FGD5: variants seen among roughly 807,000 people sequenced by gnomAD.
FGD5 encodes the protein FYVE, RhoGEF and PH domain containing 5, also known as FYVE, RhoGEF and PH domain-containing protein 5.
In FGD5, 28 loss-of-function variants were observed where a neutral mutation model predicts 133.4. That is an observed-to-expected ratio of 0.21 (90% CI 0.16 to 0.29). FGD5 has a LOEUF of 0.29. Ranked by LOEUF, FGD5 falls within the 10% of genes least tolerant of loss-of-function variation. The pLI is 1.00. For synonymous variants in FGD5, 810 were observed against 776.5 expected (o/e 1.04, Z -0.72); for missense variants, 1,858 against 1,895.2 (o/e 0.98, Z 0.36).
Position 14,820,904 on chromosome 3 carries a change from C to T in FGD5, c.1833C>T (p.Ser611=). Residue 611 remains serine (S), a synonymous_variant, in exon 1 of 20, where the codon TCC becomes TCT. Coordinates refer to ENST00000285046, the MANE Select transcript of FGD5 (RefSeq NM_152536.4). The part of the protein sequence containing the change: ...LPSSGTSTPS[S]MVDIPPPFDL... ...CCAGCGGCACCTCCACGCCTTCTTC[C>T]ATGGTCGACATCCCACCTCCTTTCG... is the stretch of plus-strand genomic sequence containing the variant. 2.5e-6 allele frequency: 4 copies of T among 1,613,848 alleles called. No homozygotes were observed. The highest frequency in any genetic ancestry group is 2.2e-5 in the East Asian group (1 of 44,856).
chr3:14,908,752 G>A (rs1270698519), intron 10 of FGD5, among the ~76,000 whole-genome samples: 1 of 150,908 alleles, frequency 6.6e-6, no homozygotes, highest in Non-Finnish European at 1.5e-5. Flanking sequence ...CAGATGTGGT[G>A]GCCTGTAGTC....
At chr3:14,902,974 C>T (rs1357353307) in intron 9 of FGD5, among the ~76,000 whole-genome samples, 3 of 152,206 alleles carry the variant, frequency 2.0e-5, no homozygotes, top group African/African-American at 7.2e-5. Context: ...GAAGCAGGGG[C>T]CAGCTGTGGA....
Position 14,819,437 on chromosome 3 carries a change from C to T in FGD5, c.366C>T (p.Ala122=). The T allele has an allele frequency of 6.5e-7, 1 of 1,549,904 alleles. No individual in the cohort carries two copies. Among genetic ancestry groups the T allele is most frequent in the Middle Eastern group, 1.7e-4 (1 of 5,986 alleles). The change falls in exon 1 of 20, where the codon GCC becomes GCT. Residue 122 remains alanine, a synonymous_variant. Transcript: ENST00000285046. This position sits in a 1 kb window ranked among gnomAD's most constrained non-coding sequence, Gnocchi z 4.1. ...EGTGAGEDSV[A]PAAPGAGALS... is the part of the protein sequence containing the mutation. ...CAGGAGCTGGTGAGGATTCAGTGGCCCCTGCTGCTCCGGGTGCAGGAGCGC... is the reference window on the plus strand; with the variant it reads ...CAGGAGCTGGTGAGGATTCAGTGGCTCCTGCTGCTCCGGGTGCAGGAGCGC...
At position 14,926,578 on chromosome 3, in the gene FGD5, A is replaced by G. The variant is rs371166044; in HGVS notation, c.4197+380A>G. Among the ~76,000 whole-genome samples, 27 of 152,356 alleles carry G rather than the reference A, an allele frequency of 1.8e-4. No homozygotes were observed. The East Asian group carries it at 4.8e-3, about 27-fold the overall frequency. ...CTTGGGGCAAAATTCAGCAGTGTGG[A>G]GGAAGCTACTCCCTTTTTGTCTGTC... On this transcript the variant is annotated intron_variant, in intron 18 of 19. Coordinates refer to ENST00000285046, the MANE Select transcript of FGD5 (RefSeq NM_152536.4).
At chr3:14,923,365 G>A (rs749948318) in intron 16 of FGD5, 190 bp downstream of exon 16, 12 of 764,326 alleles carry the variant, frequency 1.6e-5, no homozygotes, top group Non-Finnish European at 2.2e-5. Flanking sequence ...AAAATTGATC[G>A]GTGTCCCCAG....
At chr3:14,868,892 T>G (rs2037551911) in intron 2 of FGD5, among the ~76,000 whole-genome samples, 1 of 152,148 alleles carries the variant, frequency 6.6e-6, no homozygotes, top group Non-Finnish European at 1.5e-5. Context: ...CAATGACAAG[T>G]CAGACCAGTC....
intron 4 of FGD5, among the ~76,000 whole-genome samples, chr3:14,886,726 A>C (rs185038444): frequency 6.6e-6 from 1 of 152,298 alleles, no homozygotes; most frequent in East Asian, 1.9e-4. Context: ...TTTCATTTTC[A>C]TGCGGCTCAC....
Position 14,922,520 on chromosome 3 carries a change from G to A in FGD5, c.3779G>A (p.Arg1260Gln), listed in dbSNP as rs1399150810. The change falls in exon 15 of 20, where the codon CGG (arginine) becomes CAG (glutamine). Residue 1260 changes from arginine (R) to glutamine (Q), a missense_variant. Physicochemically the swap from Arg to Gln is conservative, Grantham distance 43. Around this residue, in one of 3 missense-constraint regions of FGD5, gnomAD observed 1,824 missense variants for 1,848.9 expected, o/e 0.99. Coordinates refer to ENST00000285046, the MANE Select transcript of FGD5 (RefSeq NM_152536.4). The surrounding 1 kb of genome is among the most constrained non-coding windows in gnomAD (Gnocchi z 4.1). ...GGCTGCGACTTCTCCCTCACCCTGC[G>A]GCGTCATCACTGTCACGCCTGTGGC... ...NCGCDFSLTLRRHHCHACGKI... is the reference protein window; with the variant it reads ...NCGCDFSLTLQRHHCHACGKI... 3.8e-6 allele frequency: 6 copies of A among 1,583,012 alleles called. No individual in the cohort carries two copies. Among genetic ancestry groups the A allele is most frequent in the Non-Finnish European group, 4.3e-6 (5 of 1,164,796 alleles).
intron 1 of FGD5, among the ~76,000 whole-genome samples, chr3:14,812,487 G>A (rs1036466523): frequency 1.3e-5 from 2 of 152,222 alleles, no homozygotes; most frequent in Non-Finnish European, 2.9e-5. Context: ...GATGGAGTGA[G>A]TCGGAATAAA....
At chr3:14,909,470 G>A (rs1208034195) in intron 10 of FGD5, among the ~76,000 whole-genome samples, 1 of 152,228 alleles carries the variant, frequency 6.6e-6, no homozygotes, top group Non-Finnish European at 1.5e-5. Flanking sequence ...ATCAGTGTAT[G>A]TCACTATGGT....
chr3:14,862,310 A>G (rs1441814078), intron 1 of FGD5, among the ~76,000 whole-genome samples: 1 of 152,164 alleles, frequency 6.6e-6, no homozygotes, highest in Admixed American at 6.5e-5. Context: ...AGTCTGCTGG[A>G]AAAAGGGTTG....
chr3:14,852,538 G>A (rs1039928217), intron 1 of FGD5, among the ~76,000 whole-genome samples: 1 of 152,070 alleles, frequency 6.6e-6, no homozygotes, highest in South Asian at 2.1e-4. Context: ...ATACTAAAAA[G>A]CACTGAATTG....
At chr3:14,903,986 C>T (rs1479361589) in intron 9 of FGD5, among the ~76,000 whole-genome samples, 1 of 152,182 alleles carries the variant, frequency 6.6e-6, no homozygotes, top group East Asian at 1.9e-4. Context: ...GTGGAAATGT[C>T]TGGTGTTTTT....
chr3:14,873,654 G>T (rs1182835548), intron 2 of FGD5, among the ~76,000 whole-genome samples: 1 of 152,088 alleles, frequency 6.6e-6, no homozygotes, highest in Non-Finnish European at 1.5e-5. Flanking sequence ...AGGTGAGAGA[G>T]CTGAAAGGAG....
upstream of FGD5, among the ~76,000 whole-genome samples, chr3:14,817,360 T>C (rs2036386240): frequency 6.6e-6 from 1 of 152,216 alleles, no homozygotes; most frequent in Middle Eastern, 3.4e-3. Flanking sequence ...CACACCCGGC[T>C]AATTTTTGTG....
At chr3:14,847,551 G>A (rs1483977435) in intron 1 of FGD5, among the ~76,000 whole-genome samples, 1 of 152,204 alleles carries the variant, frequency 6.6e-6, no homozygotes, top group African/African-American at 2.4e-5. Context: ...CAACATAGCT[G>A]CAGTATGTTC....
intron 1 of FGD5, among the ~76,000 whole-genome samples, chr3:14,824,299 C>G (rs2036562304): frequency 6.6e-6 from 1 of 152,180 alleles, no homozygotes; most frequent in South Asian, 2.1e-4. Context: ...TGCCGTGGGG[C>G]TGGGGGACCC....
chr3:14,876,669 G>C (rs1575225411), intron 2 of FGD5, among the ~76,000 whole-genome samples: 2 of 152,220 alleles, frequency 1.3e-5, no homozygotes, highest in East Asian at 1.9e-4. Context: ...TCCCCACTCG[G>C]TTGGTTGGAA....
chr3:14,902,841 G>T (rs1208416359), intron 9 of FGD5, among the ~76,000 whole-genome samples: 1 of 152,178 alleles, frequency 6.6e-6, no homozygotes, highest in Non-Finnish European at 1.5e-5. Flanking sequence ...GGTCAGGCAG[G>T]GATACATCTT....
Sources: gnomAD v4.1 joint callset for allele counts (sites outside exome capture counted in the v4.1 genomes callset) on GRCh38, gnomAD v4.1.1 for gene constraint, gnomAD v4.1.1 regional missense constraint, Gnocchi (gnomAD v3.1) non-coding constraint, MANE v1.5 for transcripts, NCBI Gene and HGNC (gene_info 2026-07-23, HGNC 2026-07-21) for gene names.